THSD7A: variants seen among roughly 807,000 people sequenced by gnomAD.
THSD7A encodes thrombospondin type-1 domain-containing protein 7A.
A neutral mutation model predicts 231.3 loss-of-function variants in THSD7A; 96 were observed. That is an observed-to-expected ratio of 0.41 (90% CI 0.35 to 0.49). The LOEUF is 0.49. THSD7A is among the 20% of genes least tolerant of loss of function. The pLI is 0.05. For missense variants in THSD7A, 2,290 were observed against 2,070.2 expected (o/e 1.11, Z -2.06); for synonymous variants, 940 against 743.3 (o/e 1.26, Z -4.30).
chr7:11,713,669 C>A (rs1193582980), intron 1 of THSD7A, among the ~76,000 whole-genome samples: 5 of 151,150 alleles, frequency 3.3e-5, no homozygotes, highest in Non-Finnish European at 5.9e-5. Context: ...GGACCTCAAT[C>A]TTTATTAAAG....
intron 1 of THSD7A, among the ~76,000 whole-genome samples, chr7:11,816,205 C>G (rs955716551): frequency 6.6e-6 from 1 of 152,164 alleles, no homozygotes; most frequent in Non-Finnish European, 1.5e-5. Context: ...GACACACAGA[C>G]CTTGCCATAA....
intron 1 of THSD7A, among the ~76,000 whole-genome samples, chr7:11,662,856 T>C: frequency 6.6e-6 from 1 of 151,364 alleles, no homozygotes; most frequent in East Asian, 1.9e-4. Flanking sequence ...TAAAAATATT[T>C]ATGGCATATG....
At chr7:11,388,773 C>A (rs1296199806) in intron 23 of THSD7A, among the ~76,000 whole-genome samples, 1 of 152,156 alleles carries the variant, frequency 6.6e-6, no homozygotes, top group African/African-American at 2.4e-5. Flanking sequence ...AATTTTAGAT[C>A]ATTCCTGCTT....
chr7:11,616,810 GA>G (rs1161572548), intron 2 of THSD7A, among the ~76,000 whole-genome samples: 2 of 151,784 alleles, frequency 1.3e-5, no homozygotes, highest in Non-Finnish European at 2.9e-5. Flanking sequence ...ATTCTACTCA[GA>G]AAAAAAGTGA....
At chr7:11,567,556 A>G (rs113934418) in intron 4 of THSD7A, among the ~76,000 whole-genome samples, 117 of 152,300 alleles carry the variant, frequency 7.7e-4, no homozygotes, top group Non-Finnish European at 1.3e-3. Flanking sequence ...CAAATAGAGC[A>G]ATAATTCTCA....
At chr7:11,509,799 G>A (rs1181210902) in intron 6 of THSD7A, among the ~76,000 whole-genome samples, 2 of 47,862 alleles carry the variant, frequency 4.2e-5, no homozygotes, top group Non-Finnish European at 1.1e-4. Context: ...TCCAGCCTGG[G>A]CGACAGAGCC....
intron 1 of THSD7A, among the ~76,000 whole-genome samples, chr7:11,716,049 G>C (rs1781123969): frequency 6.6e-6 from 1 of 151,512 alleles, no homozygotes; most frequent in African/African-American, 2.4e-5. Flanking sequence ...CAGTGAGAGA[G>C]CAGAGAGGAA....
At chr7:11,645,828 G>A (rs1474214211) in intron 1 of THSD7A, among the ~76,000 whole-genome samples, 2 of 151,814 alleles carry the variant, frequency 1.3e-5, no homozygotes, top group African/African-American at 2.4e-5. Flanking sequence ...ACTCTGTCCA[G>A]TAGTTCAATC....
At chr7:11,551,562 A>C (rs1789627526) in intron 4 of THSD7A, among the ~76,000 whole-genome samples, 3 of 152,162 alleles carry the variant, frequency 2.0e-5, no homozygotes, top group Admixed American at 1.3e-4. Context: ...TTTTCAAAAG[A>C]AGACATACAC....
intron 23 of THSD7A, among the ~76,000 whole-genome samples, chr7:11,386,074 C>T (rs1782730660): frequency 6.6e-6 from 1 of 152,138 alleles, no homozygotes; most frequent in Non-Finnish European, 1.5e-5. Context: ...GTATAATATT[C>T]CATGGTGTAT....
chr7:11,787,021 G>A (rs764931736), intron 1 of THSD7A, among the ~76,000 whole-genome samples: 1 of 151,968 alleles, frequency 6.6e-6, no homozygotes, highest in Non-Finnish European at 1.5e-5. Context: ...TAAGCATTAA[G>A]AAAATGTTAG....
At chr7:11,659,635 G>C (rs1782849746) in intron 1 of THSD7A, among the ~76,000 whole-genome samples, 1 of 151,116 alleles carries the variant, frequency 6.6e-6, no homozygotes, top group South Asian at 2.1e-4. Flanking sequence ...CTTGAAGGTG[G>C]GTACATTCTT....
At position 11,637,458 on chromosome 7, in the gene THSD7A, T is replaced by C. The variant is rs1048745485; in HGVS notation, c.191-497A>G. ...CAACATATTTTATTTTCATAGACTA[T>C]GACTGCAAGGGTCTAATAGTTGTAT... On this transcript the variant is annotated intron_variant, in intron 1 of 27. Transcript: ENST00000423059. This position sits in a 1 kb window ranked among gnomAD's most constrained non-coding sequence, Gnocchi z 4.2. Among the ~76,000 whole-genome samples, 4 of 152,190 alleles carry C rather than the reference T, an allele frequency of 2.6e-5. No individual in the cohort carries two copies. Among genetic ancestry groups the C allele is most frequent in the Non-Finnish European group, 5.9e-5 (4 of 68,036 alleles).
chr7:11,769,153 A>ATATTTTTTTTTTTTTTTTT, intron 1 of THSD7A, among the ~76,000 whole-genome samples: 22 of 27,630 alleles, frequency 8.0e-4, no homozygotes, highest in Non-Finnish European at 9.7e-4. Flanking sequence ...ATATATATAT[A>ATATTTTTTTTTTTTTTTTT]TTTTTTTTTT....
intron 1 of THSD7A, among the ~76,000 whole-genome samples, chr7:11,762,987 T>G (rs564881637): frequency 2.0e-5 from 3 of 152,192 alleles, no homozygotes; most frequent in Admixed American, 2.0e-4. Flanking sequence ...AGAGCCCCAA[T>G]AGCCAAACAA....
At chr7:11,781,474 G>C (rs554597948) in intron 1 of THSD7A, among the ~76,000 whole-genome samples, 1 of 152,080 alleles carries the variant, frequency 6.6e-6, no homozygotes, top group Non-Finnish European at 1.5e-5. Flanking sequence ...AAACAAAAAA[G>C]AAGACGAAAA....
chr7:11,378,008 T>C (rs961956461), intron 26 of THSD7A: 2 of 152,130 alleles, frequency 1.3e-5, no homozygotes, highest in African/African-American at 4.8e-5. Flanking sequence ...AAGTCAGCTT[T>C]GCAAAATAAA....
At chr7:11,504,552 T>C (rs1206075718) in intron 6 of THSD7A, among the ~76,000 whole-genome samples, 1 of 152,158 alleles carries the variant, frequency 6.6e-6, no homozygotes, top group Non-Finnish European at 1.5e-5. Context: ...AAACACACCC[T>C]AGATATAATC....
At chr7:11,758,956 T>A (rs933895905) in intron 1 of THSD7A, among the ~76,000 whole-genome samples, 3 of 152,070 alleles carry the variant, frequency 2.0e-5, no homozygotes, top group Admixed American at 2.0e-4. Context: ...CAGGCTGTAG[T>A]TTGCTAAGCC....
Sources: allele counts gnomAD v4.1 joint callset (sites outside exome capture counted in the v4.1 genomes callset), GRCh38; gene constraint gnomAD v4.1.1; non-coding constraint Gnocchi (gnomAD v3.1); transcripts MANE v1.5; gene names NCBI Gene and HGNC (gene_info 2026-07-23, HGNC 2026-07-21).